TENM1: variants seen among roughly 807,000 people sequenced by gnomAD.
TENM1 encodes the protein teneurin transmembrane protein 1, also known as teneurin-1.
TENM1 carries 35 observed loss-of-function variants against 174.8 expected under a neutral mutation model. The observed-to-expected ratio is 0.20, with a 90% CI of 0.15 to 0.27. TENM1 has a LOEUF of 0.27. TENM1 is among the 10% of genes least tolerant of loss of function. The pLI is 1.00. For missense variants in TENM1, 1,633 were observed against 2,130.1 expected, an observed-to-expected ratio of 0.77 and a Z score of 4.59; for synonymous variants, 781 against 798.7, an observed-to-expected ratio of 0.98 and a Z score of 0.37.
intron 3 of TENM1, among the ~76,000 whole-genome samples, chrX:124,800,788 T>A (rs1437583053): frequency 8.9e-6 from 1 of 112,147 alleles, no homozygotes. Flanking sequence ...CCAGGGATTC[T>A]AGTACATTGT....
intron 6 of TENM1, among the ~76,000 whole-genome samples, chrX:124,666,440 G>A (rs768880319): frequency 9.0e-6 from 1 of 111,592 alleles, no homozygotes; most frequent in South Asian, 3.7e-4. Flanking sequence ...CCAACCTTTT[G>A]TTTTCCGAAA....
intron 27 of TENM1, among the ~76,000 whole-genome samples, chrX:124,399,969 A>G (rs2060381886): frequency 9.0e-6 from 1 of 110,913 alleles, no homozygotes; most frequent in Admixed American, 9.6e-5. Flanking sequence ...ACAAAAAAAC[A>G]AAAACACAAC....
At chrX:125,179,133 G>A in the TENM1 span, among the ~76,000 whole-genome samples, 19 of 111,576 alleles carry the variant, frequency 1.7e-4, no homozygotes, top group African/African-American at 5.2e-4. Flanking sequence ...TAGATGTTCT[G>A]TTGGCTCACC....
intron 3 of TENM1, among the ~76,000 whole-genome samples, chrX:124,841,621 T>TAA (rs761346749): frequency 1.1e-4 from 9 of 83,091 alleles, no homozygotes; most frequent in African/African-American, 1.8e-4. Context: ...TGTGAATGAT[T>TAA]AAAAAAAAAA....
At chrX:124,524,001 A>C (rs766161502) in intron 16 of TENM1, among the ~76,000 whole-genome samples, 5 of 107,683 alleles carry the variant, frequency 4.6e-5, no homozygotes, top group Non-Finnish European at 9.6e-5. Flanking sequence ...CAGCCTCCCG[A>C]GTAGCTGGGA....
the TENM1 span, among the ~76,000 whole-genome samples, chrX:125,074,492 G>A: frequency 9.1e-6 from 1 of 110,315 alleles, no homozygotes; most frequent in Non-Finnish European, 1.9e-5. Flanking sequence ...CCAGCCAGCT[G>A]CAGCCAGAAT....
chrX:124,469,701 A>G (rs2147894960), intron 22 of TENM1, among the ~76,000 whole-genome samples: 1 of 111,513 alleles, frequency 9.0e-6, no homozygotes, highest in Admixed American at 9.6e-5. Flanking sequence ...ATATGAAGTT[A>G]GAAAATTCTA....
At chrX:125,127,285 A>G in the TENM1 span, among the ~76,000 whole-genome samples, 1 of 111,773 alleles carries the variant, frequency 8.9e-6, no homozygotes, top group African/African-American at 3.3e-5. Context: ...CAGAACTCTT[A>G]TAGTATTGGA....
At chrX:125,101,797 T>C in the TENM1 span, among the ~76,000 whole-genome samples, 2 of 112,172 alleles carry the variant, frequency 1.8e-5, no homozygotes, top group Non-Finnish European at 3.8e-5. Flanking sequence ...GAATCTTTTA[T>C]GTCACAATAT....
intron 1 of TENM1, among the ~76,000 whole-genome samples, chrX:124,920,516 T>C (rs2058002995): frequency 9.0e-6 from 1 of 111,726 alleles, no homozygotes; most frequent in Non-Finnish European, 1.9e-5. Flanking sequence ...TGCTTTATTC[T>C]TTCTGTAAGA....
intron 18 of TENM1, among the ~76,000 whole-genome samples, chrX:124,517,349 A>G (rs1328456629): frequency 1.8e-5 from 2 of 110,672 alleles, no homozygotes; most frequent in Non-Finnish European, 3.8e-5. Flanking sequence ...GCTGCTATAA[A>G]GACACATGCA....
At chrX:124,490,274 A>G (rs919999986) in intron 20 of TENM1, among the ~76,000 whole-genome samples, 1 of 111,740 alleles carries the variant, frequency 8.9e-6, no homozygotes, top group Non-Finnish European at 1.9e-5. Flanking sequence ...CTGCTAATAC[A>G]TGAGATCAAA....
the TENM1 span, among the ~76,000 whole-genome samples, chrX:125,160,616 C>A: frequency 9.8e-6 from 1 of 102,038 alleles, no homozygotes; most frequent in East Asian, 3.1e-4. Context: ...CAATAGCCCA[C>A]AAATGCTCAT....
At chrX:124,998,936 G>A in the TENM1 span, among the ~76,000 whole-genome samples, 1 of 111,275 alleles carries the variant, frequency 9.0e-6, no homozygotes, top group Non-Finnish European at 1.9e-5. Flanking sequence ...TATTCACTAG[G>A]AGGAATCTTT....
intron 1 of TENM1, among the ~76,000 whole-genome samples, chrX:124,962,406 AT>A (rs1354346101): frequency 8.9e-6 from 1 of 111,877 alleles, no homozygotes; most frequent in Non-Finnish European, 1.9e-5. Flanking sequence ...GGGCTGGAGA[AT>A]TTACACTCTA....
chrX:125,038,763 A>C, the TENM1 span, among the ~76,000 whole-genome samples: 4 of 111,830 alleles, frequency 3.6e-5, no homozygotes, highest in South Asian at 1.5e-3. Flanking sequence ...CTTTATACCA[A>C]AAGTGAATAT....
intron 3 of TENM1, among the ~76,000 whole-genome samples, chrX:124,823,654 G>A (rs184079388): frequency 1.8e-5 from 2 of 109,474 alleles, no homozygotes; most frequent in Non-Finnish European, 3.8e-5. Context: ...GTTTTTCCTC[G>A]TGAAAAAAAT....
At chrX:124,946,037 T>C (rs2058397820) in intron 1 of TENM1, among the ~76,000 whole-genome samples, 1 of 112,023 alleles carries the variant, frequency 8.9e-6, no homozygotes, top group African/African-American at 3.2e-5. Flanking sequence ...TGTCCCATGA[T>C]GTGTTAACCC....
At chrX:124,955,094 T>C (rs988903347) in intron 1 of TENM1, among the ~76,000 whole-genome samples, 10 of 112,320 alleles carry the variant, frequency 8.9e-5, no homozygotes, top group African/African-American at 3.2e-4. Context: ...CAGTTGAGCC[T>C]TATGGCAATA....
Sources: allele counts gnomAD v4.1 joint callset (sites outside exome capture counted in the v4.1 genomes callset), GRCh38; gene constraint gnomAD v4.1.1; transcripts MANE v1.5; gene names NCBI Gene and HGNC (gene_info 2026-07-23, HGNC 2026-07-21).